ZFHX3: variants seen among roughly 807,000 people sequenced by gnomAD.
ZFHX3 encodes the protein zinc finger homeobox protein 3.
Under a neutral mutation model 279.1 loss-of-function variants are expected in ZFHX3, and 42 were observed. That is an observed-to-expected ratio of 0.15 (90% CI 0.12 to 0.19). The LOEUF (loss-of-function observed/expected upper bound fraction) is 0.19, where lower values mean the gene tolerates loss of function less well. Ranked by LOEUF, ZFHX3 falls within the 10% of genes least tolerant of loss-of-function variation. ZFHX3 has a pLI of 1.00. For missense variants in ZFHX3, 4,981 were observed against 4,754.0 expected, an observed-to-expected ratio of 1.05 and a Z score of -1.40; for synonymous variants, 2,293 against 1,957.8, an observed-to-expected ratio of 1.17 and a Z score of -4.52.
intron 5 of ZFHX3, among the ~76,000 whole-genome samples, chr16:73,218,598 G>A (rs1360574609): frequency 1.3e-5 from 2 of 152,104 alleles, no homozygotes; most frequent in Non-Finnish European, 2.9e-5. Context: ...GCAAAACCCT[G>A]TCTCTACTAA....
At chr16:72,841,127 C>G (rs965379392) in intron 4 of ZFHX3, among the ~76,000 whole-genome samples, 4 of 152,154 alleles carry the variant, frequency 2.6e-5, no homozygotes, top group Admixed American at 2.6e-4. Flanking sequence ...ACCACGAGTT[C>G]CCTGGTGCCA....
intron 8 of ZFHX3, among the ~76,000 whole-genome samples, chr16:73,071,159 A>T (rs1052392682): frequency 1.3e-5 from 2 of 150,286 alleles, no homozygotes. Flanking sequence ...AGGCCTAAAA[A>T]GTCTTCTGGG....
At chr16:72,972,516 C>T (rs994212144) in intron 1 of ZFHX3, among the ~76,000 whole-genome samples, 1 of 152,072 alleles carries the variant, frequency 6.6e-6, no homozygotes, top group African/African-American at 2.4e-5. Context: ...TTCAAGCTTT[C>T]TTGTGCAGTG....
In ZFHX3 at chr16:73,711,276, C is replaced by T. The variant is rs189368087; in HGVS notation, c.-1607-31036G>A. Among the ~76,000 whole-genome samples, 103 of 152,054 alleles carry T rather than the reference C, an allele frequency of 6.8e-4. 1 individual carries two copies. The highest frequency in any genetic ancestry group is 4.1e-3 in the Admixed American group (63 of 15,274). On this transcript the variant is annotated intron_variant, in intron 1 of 17. Coordinates refer to the ZFHX3 transcript ENST00000641206. ...GAGGTGGGCCAAAAAAAAACCATCC[C>T]GTGAAGTTTAAATTGTGCATTTATA...
intron 4 of ZFHX3, among the ~76,000 whole-genome samples, chr16:73,278,073 G>A (rs1398973757): frequency 6.6e-6 from 1 of 152,102 alleles, no homozygotes; most frequent in Admixed American, 6.5e-5. Context: ...ATTCAGTGAG[G>A]ACACAGATCT....
rs1269110397 is a variant in ZFHX3 at position 73,742,439 on chromosome 16, T to G, written c.-1607-62199A>C. Among the ~76,000 whole-genome samples the G allele has an allele frequency of 2.6e-5, 4 of 152,236 alleles. No homozygotes were observed. In the East Asian group the frequency reaches 7.7e-4, roughly 29 times the overall value. ...GACCATCCAAAATGGCCAAGACTTC[T>G]TCCACCACCAGCAGCATTTAGAAGA... On this transcript the variant is annotated intron_variant, in intron 1 of 17. Transcript: ENST00000641206.
chr16:73,808,157 A>G (rs568162012), intron 1 of ZFHX3, among the ~76,000 whole-genome samples: 1 of 152,288 alleles, frequency 6.6e-6, no homozygotes, highest in African/African-American at 2.4e-5. Flanking sequence ...ACACTCCATG[A>G]TGAAGACTTG....
At chr16:73,339,584 C>T (rs142956589) in intron 3 of ZFHX3, among the ~76,000 whole-genome samples, 65 of 152,290 alleles carry the variant, frequency 4.3e-4, no homozygotes, top group African/African-American at 1.2e-3. Context: ...TTCTATTAGA[C>T]GTTTTGCCAC....
intron 7 of ZFHX3, among the ~76,000 whole-genome samples, chr16:73,098,206 T>A (rs1334654709): frequency 6.6e-6 from 1 of 151,606 alleles, no homozygotes; most frequent in Non-Finnish European, 1.5e-5. Context: ...CAGCTGGGAC[T>A]ACAAGCATGG....
At chr16:73,348,391 G>A (rs975159028) in intron 3 of ZFHX3, among the ~76,000 whole-genome samples, 1 of 152,158 alleles carries the variant, frequency 6.6e-6, no homozygotes, top group East Asian at 1.9e-4. Context: ...TTTGGGGTGG[G>A]TCATTTGTCC....
chr16:73,762,827 A>G (rs113243316), intron 1 of ZFHX3, among the ~76,000 whole-genome samples: 1 of 152,054 alleles, frequency 6.6e-6, no homozygotes, highest in Non-Finnish European at 1.5e-5. Flanking sequence ...GGCCTGATGG[A>G]GTGGAGCAGA....
chr16:73,740,595 A>G (rs1041530781), intron 1 of ZFHX3, among the ~76,000 whole-genome samples: 1 of 152,218 alleles, frequency 6.6e-6, no homozygotes, highest in South Asian at 2.1e-4. Context: ...GATGGTATTC[A>G]TTTTACCATG....
intron 1 of ZFHX3, among the ~76,000 whole-genome samples, chr16:73,697,266 T>C (rs79982393): frequency 0.011 from 1,724 of 151,986 alleles, 41 homozygotes; most frequent in African/African-American, 0.04. Context: ...GTAGAGATCA[T>C]GTGAGTGTCA....
chr16:73,110,191 G>C lies in ZFHX3; in HGVS notation c.-896-16593C>G, dbSNP rs761626023. Among the ~76,000 whole-genome samples, 6 of 150,566 alleles carry C rather than the reference G, an allele frequency of 4.0e-5. No individual in the cohort carries two copies. In the Middle Eastern group the frequency reaches 0.017, roughly 430 times the overall value. On this transcript the variant is annotated intron_variant, in intron 7 of 17. Coordinates refer to the ZFHX3 transcript ENST00000641206. ...TGCACTCCAGCCTGGGTGACAGAGC[G>C]AGACTGTCTCAAAAAAAAAAAAAGA...
chr16:73,694,653 T>A (rs947924089), intron 1 of ZFHX3, among the ~76,000 whole-genome samples: 1 of 152,200 alleles, frequency 6.6e-6, no homozygotes, highest in African/African-American at 2.4e-5. Flanking sequence ...AAAATTTTTA[T>A]TAAAAAACAT....
intron 2 of ZFHX3, among the ~76,000 whole-genome samples, chr16:73,470,301 C>T (rs182695378): frequency 8.5e-5 from 13 of 152,244 alleles, no homozygotes; most frequent in South Asian, 4.2e-4. Context: ...AAGCCCGTCC[C>T]GGACAGAAAC....
At chr16:73,240,755 C>T (rs1008623481) in intron 5 of ZFHX3, among the ~76,000 whole-genome samples, 10 of 152,134 alleles carry the variant, frequency 6.6e-5, no homozygotes, top group Non-Finnish European at 1.3e-4. Context: ...AACTAAATTT[C>T]AATGAGTAGG....
At chr16:73,513,881 C>G (rs977741630) in intron 2 of ZFHX3, among the ~76,000 whole-genome samples, 10 of 152,034 alleles carry the variant, frequency 6.6e-5, no homozygotes, top group African/African-American at 2.4e-4. Context: ...TGTCAGCTTT[C>G]CTTGCTTCTT....
intron 2 of ZFHX3, among the ~76,000 whole-genome samples, chr16:73,607,746 A>G (rs560114615): frequency 6.6e-6 from 1 of 152,330 alleles, no homozygotes; most frequent in African/African-American, 2.4e-5. Flanking sequence ...AAAAGATTAA[A>G]ATATATGCTG....
Sources: allele counts gnomAD v4.1 joint callset (sites outside exome capture counted in the v4.1 genomes callset), GRCh38; gene constraint gnomAD v4.1.1; transcripts MANE v1.5; gene names NCBI Gene and HGNC (gene_info 2026-07-23, HGNC 2026-07-21).